The following IL7 variants were observed in gnomAD, a reference collection of about 807,000 sequenced individuals.
IL7 encodes the protein interleukin 7.
Under a neutral mutation model 21.6 loss-of-function variants are expected in IL7, and 3 were observed. The ratio of observed to expected loss-of-function variants is 0.14; its 90% CI spans 0.06 to 0.36. The LOEUF (loss-of-function observed/expected upper bound fraction) is 0.36. Ranked by LOEUF, IL7 falls within the 10% of genes least tolerant of loss-of-function variation. The pLI is 1.00. For synonymous variants in IL7, 62 were observed against 68.1 expected (o/e 0.91, Z 0.44); for missense variants, 175 against 200.2 (o/e 0.87, Z 0.76).
downstream of IL7, chr8:78,717,475 T>A (rs749172086): frequency 4.4e-6 from 7 of 1,580,348 alleles, no homozygotes; most frequent in Admixed American, 1.4e-4. Context: ...AATGTGGCAT[T>A]CGAAGAATGA....
At chr8:78,698,312 G>T in intron 3 of IL7, 1 of 942,990 alleles carries the variant, frequency 1.1e-6, no homozygotes, top group Non-Finnish European at 1.5e-6. Flanking sequence ...TTGATTTATA[G>T]TTGCAAAGAT....
intron 2 of IL7, among the ~76,000 whole-genome samples, chr8:78,768,951 A>C (rs1209324760): frequency 2.6e-5 from 4 of 152,218 alleles, no homozygotes; most frequent in Admixed American, 6.5e-5. Context: ...TTATCTCAAT[A>C]GATGCAGAAA....
At chr8:78,757,340 G>C (rs1812380735) in intron 2 of IL7, among the ~76,000 whole-genome samples, 1 of 151,988 alleles carries the variant, frequency 6.6e-6, no homozygotes, top group Admixed American at 6.6e-5. Flanking sequence ...CCATGTGCTG[G>C]TGAAAAGAAT....
chr8:78,697,500 GT>G, intron 3 of IL7: 1 of 1,605,608 alleles, frequency 6.2e-7, no homozygotes, highest in Middle Eastern at 1.7e-4. Flanking sequence ...TGGCAAAACT[GT>G]TGTAGGTAAT....
At chr8:78,677,001 T>C (rs1233655678) in intron 4 of IL7, among the ~76,000 whole-genome samples, 1 of 152,056 alleles carries the variant, frequency 6.6e-6, no homozygotes, top group Non-Finnish European at 1.5e-5. Context: ...TTTTTAAAAA[T>C]ACTTAAGAGC....
intron 3 of IL7, among the ~76,000 whole-genome samples, chr8:78,693,949 A>G (rs951681584): frequency 6.6e-6 from 1 of 152,152 alleles, no homozygotes; most frequent in East Asian, 1.9e-4. Context: ...CTTTCTACAT[A>G]TGGCTAGCCA....
In IL7 at chr8:78,719,990, T is replaced by A. The variant is rs543327273; in HGVS notation, n.477-880A>T. ...AGAAATGTTTTTGTTACAAGTTTTT[T>A]AAGGCATTATCTTCATAGACTATTT... On this transcript the variant is annotated intron_variant and non_coding_transcript_variant, in intron 5 of 6. Transcript: ENST00000519833. Among the ~76,000 whole-genome samples, 3 of 151,936 alleles carry A rather than the reference T, an allele frequency of 2.0e-5. No homozygotes were observed. The South Asian group carries it at 6.2e-4, about 31-fold the overall frequency.
intron 2 of IL7, chr8:78,761,332 A>G (rs1223471561): frequency 1.9e-6 from 3 of 1,611,710 alleles, no homozygotes; most frequent in Non-Finnish European, 8.5e-7. Context: ...CCAACCACAT[A>G]TTTAAGGCAC....
At chr8:78,687,907 A>G (rs1167918904) in intron 3 of IL7, among the ~76,000 whole-genome samples, 1 of 55,772 alleles carries the variant, frequency 1.8e-5, no homozygotes, top group Non-Finnish European at 4.6e-5. Context: ...ATATATATTT[A>G]TATAAATATA....
chr8:78,688,453 CTG>C (rs1270271626), intron 3 of IL7, among the ~76,000 whole-genome samples: 2 of 152,000 alleles, frequency 1.3e-5, no homozygotes, highest in African/African-American at 2.4e-5. Context: ...AGGGCAAACT[CTG>C]TATCAAAAAA....
At chr8:78,695,298 G>A (rs556447838) in intron 3 of IL7, among the ~76,000 whole-genome samples, 5 of 152,114 alleles carry the variant, frequency 3.3e-5, no homozygotes, top group Middle Eastern at 3.4e-3. Context: ...AACATTTTTT[G>A]GAGACATGTT....
intron 2 of IL7, among the ~76,000 whole-genome samples, chr8:78,782,328 T>C (rs1456421288): frequency 1.3e-5 from 2 of 152,196 alleles, no homozygotes; most frequent in Non-Finnish European, 2.9e-5. Context: ...TCATTGACTG[T>C]TTCTCATCTT....
At chr8:78,765,621 C>T (rs1341391055) in intron 2 of IL7, among the ~76,000 whole-genome samples, 1 of 151,946 alleles carries the variant, frequency 6.6e-6, no homozygotes, top group Admixed American at 6.6e-5. Context: ...CAAATTAAAA[C>T]AACAATGAGA....
At chr8:78,707,234 A>C (rs986300086) in intron 3 of IL7, among the ~76,000 whole-genome samples, 1 of 152,166 alleles carries the variant, frequency 6.6e-6, no homozygotes, top group East Asian at 1.9e-4. Flanking sequence ...TTAAAAGCTG[A>C]TATTTTTCAG....
rs191585026 is a variant in IL7 at position 78,799,767 on chromosome 8, C to T, written c.11-1559G>A. ...CTGAATTTGTTGCTTTACCAGGATT[C>T]GATTAGAAATGGCCATAATCTATTG... On this transcript the variant is annotated intron_variant, in intron 1 of 5. Transcript: ENST00000263851. Among the ~76,000 whole-genome samples, 1,033 of 152,072 alleles carry T rather than the reference C, an allele frequency of 6.8e-3. 43 individuals carry two copies. Among genetic ancestry groups the T allele is most frequent in the Admixed American group, 0.063 (967 of 15,264 alleles).
At chr8:78,697,112 CTG>C (rs1810446198) in intron 3 of IL7, among the ~76,000 whole-genome samples, 1 of 152,250 alleles carries the variant, frequency 6.6e-6, no homozygotes, top group East Asian at 1.9e-4. Context: ...GTAGAAAAGA[CTG>C]TTCATTTAAG....
chr8:78,750,336 C>G (rs964049097), intron 2 of IL7, among the ~76,000 whole-genome samples: 1 of 151,930 alleles, frequency 6.6e-6, no homozygotes, highest in African/African-American at 2.4e-5. Flanking sequence ...TTTTCCACAC[C>G]GTATTGTGAC....
chr8:78,735,276 C>CTTTTTTTTTTTTTTTTTGTTTTTTTT, intron 5 of IL7, among the ~76,000 whole-genome samples: 2 of 78,516 alleles, frequency 2.5e-5, no homozygotes, highest in Non-Finnish European at 2.3e-5. Flanking sequence ...CTTTTCTTTT[C>CTTTTTTTTTTTTTTTTTGTTTTTTTT]TTTTTTTTTT....
Position 78,762,073 on chromosome 8 carries a change from T to G in IL7, c.148-21991A>C, listed in dbSNP as rs561976056. ...GTTCCTGCTCAGAAGTTTCATCAATTTTTTTCTGTTTCAGTGTCCTGATTT... is the reference window on the plus strand; with the variant it reads ...GTTCCTGCTCAGAAGTTTCATCAATGTTTTTCTGTTTCAGTGTCCTGATTT... On this transcript the variant is annotated intron_variant, in intron 2 of 5. Coordinates refer to ENST00000263851, the MANE Select transcript of IL7 (RefSeq NM_000880.4). 5 of 1,603,906 alleles carry G rather than the reference T, an allele frequency of 3.1e-6. No homozygotes were observed. In the African/African-American group the frequency reaches 6.7e-5, roughly 22 times the overall value.
Sources: allele counts gnomAD v4.1 joint callset (sites outside exome capture counted in the v4.1 genomes callset), GRCh38; gene constraint gnomAD v4.1.1; transcripts MANE v1.5; gene names NCBI Gene and HGNC (gene_info 2026-07-23, HGNC 2026-07-21).